Variants in PXDNL observed in about 807,000 individuals in gnomAD.
PXDNL encodes peroxidasin like.
In PXDNL, 145 loss-of-function variants were observed where a neutral mutation model predicts 150.8. The ratio of observed to expected loss-of-function variants is 0.96; its 90% CI spans 0.84 to 1.10. The LOEUF is 1.10. Among genes scored for constraint, PXDNL ranks in the 50% least tolerant of loss-of-function variants. The probability of loss-of-function intolerance (pLI) is 0.00; values close to 1 mark genes in which losing one functional copy is unlikely to be tolerated. For synonymous variants in PXDNL, 757 were observed against 725.7 expected, an observed-to-expected ratio of 1.04 and a Z score of -0.69; for missense variants, 2,087 against 1,873.9, an observed-to-expected ratio of 1.11 and a Z score of -2.10.
At chr8:51,636,222 T>A (rs1249284921) in intron 2 of PXDNL, among the ~76,000 whole-genome samples, 2 of 152,098 alleles carry the variant, frequency 1.3e-5, no homozygotes, top group Non-Finnish European at 2.9e-5. Flanking sequence ...ATAAAGGACA[T>A]TTATTAAAAA....
intron 8 of PXDNL, among the ~76,000 whole-genome samples, chr8:51,460,443 C>G (rs1310813882): frequency 1.4e-5 from 2 of 138,382 alleles, no homozygotes; most frequent in African/African-American, 5.5e-5. Context: ...AGACAGCCAA[C>G]TAGATGCAGC....
chr8:51,705,832 TGCGCGCGC>T (rs10589855), intron 1 of PXDNL, among the ~76,000 whole-genome samples: 1,504 of 149,664 alleles, frequency 0.01, 21 homozygotes, highest in African/African-American at 0.029. Context: ...TGTGTGTGTG[TGCGCGCGC>T]GCGCGCGCGC....
chr8:51,728,609 G>A (rs1266983506), intron 1 of PXDNL, among the ~76,000 whole-genome samples: 1 of 151,810 alleles, frequency 6.6e-6, no homozygotes, highest in Admixed American at 6.6e-5. Flanking sequence ...AAAAATTTAA[G>A]AATAAAAAAT....
intron 1 of PXDNL, among the ~76,000 whole-genome samples, chr8:51,763,603 C>G (rs962111838): frequency 3.9e-5 from 6 of 152,142 alleles, no homozygotes; most frequent in African/African-American, 1.4e-4. Flanking sequence ...TGGGCCTCTT[C>G]CAAGTGTACT....
At chr8:51,374,544 G>A in intron 18 of PXDNL, 53 bp downstream of exon 18, 1 of 1,568,442 alleles carries the variant, frequency 6.4e-7, no homozygotes, top group Non-Finnish European at 8.8e-7. Flanking sequence ...TATACATTTT[G>A]GGTCAAAAAC....
intron 8 of PXDNL, among the ~76,000 whole-genome samples, chr8:51,468,134 G>T (rs1471426302): frequency 2.6e-5 from 4 of 151,910 alleles, no homozygotes; most frequent in African/African-American, 9.7e-5. Flanking sequence ...AGATAGTAAG[G>T]TTTAGCTTTG....
intron 2 of PXDNL, among the ~76,000 whole-genome samples, chr8:51,622,357 G>C (rs1396580926): frequency 1.3e-5 from 2 of 152,174 alleles, no homozygotes; most frequent in African/African-American, 4.8e-5. Flanking sequence ...ACAGAACTGT[G>C]AGCTAATAAA....
chr8:51,589,285 G>C (rs1326232230), intron 3 of PXDNL, among the ~76,000 whole-genome samples: 1 of 152,134 alleles, frequency 6.6e-6, no homozygotes, highest in Non-Finnish European at 1.5e-5. Context: ...TTGAGAGGTG[G>C]ATCTGTTGTT....
intron 2 of PXDNL, among the ~76,000 whole-genome samples, chr8:51,595,252 G>A (rs931573035): frequency 6.6e-6 from 1 of 151,894 alleles, no homozygotes; most frequent in Non-Finnish European, 1.5e-5. Flanking sequence ...ATATACACTT[G>A]CATATTTACT....
chr8:51,653,148 T>C (rs1237304669), intron 2 of PXDNL, among the ~76,000 whole-genome samples: 1 of 152,170 alleles, frequency 6.6e-6, no homozygotes, highest in Non-Finnish European at 1.5e-5. Flanking sequence ...CTGGGCGTGG[T>C]GGTTCATGCC....
intron 2 of PXDNL, among the ~76,000 whole-genome samples, chr8:51,613,493 G>T (rs1004979481): frequency 8.4e-5 from 10 of 118,720 alleles, no homozygotes; most frequent in South Asian, 6.9e-4. Flanking sequence ...GCGGGGGGGG[G>T]GCAGGGCGGC....
chr8:51,629,826 T>A (rs1424093854), intron 2 of PXDNL, among the ~76,000 whole-genome samples: 2 of 152,130 alleles, frequency 1.3e-5, no homozygotes, highest in African/African-American at 2.4e-5. Flanking sequence ...CTAGCAAATG[T>A]ATCCCTCGAA....
chr8:51,626,191 G>T (rs1585629960), intron 2 of PXDNL, among the ~76,000 whole-genome samples: 1 of 152,140 alleles, frequency 6.6e-6, no homozygotes, highest in Non-Finnish European at 1.5e-5. Context: ...TACTTGCTAT[G>T]CACCTGCCAC....
intron 1 of PXDNL, among the ~76,000 whole-genome samples, chr8:51,756,534 A>G (rs554896362): frequency 6.6e-6 from 1 of 152,300 alleles, no homozygotes; most frequent in East Asian, 1.9e-4. Flanking sequence ...CTCAGTATAT[A>G]ATGGTGAGAA....
chr8:51,582,985 G>T (rs192682001), intron 3 of PXDNL, among the ~76,000 whole-genome samples: 1 of 152,288 alleles, frequency 6.6e-6, no homozygotes, highest in East Asian at 1.9e-4. Flanking sequence ...TTCATCTGGG[G>T]AAGGAAATAC....
At chr8:51,767,023 A>C (rs547420149) in intron 1 of PXDNL, among the ~76,000 whole-genome samples, 1 of 152,082 alleles carries the variant, frequency 6.6e-6, no homozygotes, top group East Asian at 1.9e-4. Flanking sequence ...TAAATAATTT[A>C]TACCTCTATT....
intron 1 of PXDNL, among the ~76,000 whole-genome samples, chr8:51,738,011 C>T (rs1237452683): frequency 6.6e-6 from 1 of 152,126 alleles, no homozygotes; most frequent in African/African-American, 2.4e-5. Context: ...TGACTGGAAC[C>T]ACAAACAAAG....
At chr8:51,756,337 A>G (rs2037100831) in intron 1 of PXDNL, among the ~76,000 whole-genome samples, 1 of 151,348 alleles carries the variant, frequency 6.6e-6, no homozygotes, top group African/African-American at 2.4e-5. Context: ...AGTTGCAGTG[A>G]GTCCAGATAG....
At chr8:51,611,026 C>A (rs928278726) in intron 2 of PXDNL, among the ~76,000 whole-genome samples, 2 of 152,176 alleles carry the variant, frequency 1.3e-5, no homozygotes. Flanking sequence ...TGATGCCCAT[C>A]ATATGCAGAG....
Sources: allele counts gnomAD v4.1 joint callset (sites outside exome capture counted in the v4.1 genomes callset), GRCh38; gene constraint gnomAD v4.1.1; transcripts MANE v1.5; gene names NCBI Gene and HGNC (gene_info 2026-07-23, HGNC 2026-07-21).